The following PEX7 variants were observed in gnomAD, a reference collection of about 807,000 sequenced individuals.
The protein encoded by PEX7 is peroxisomal biogenesis factor 7, also known as PTS2 receptor.
Under a neutral mutation model 47.5 loss-of-function variants are expected in PEX7, and 34 were observed. The ratio of observed to expected loss-of-function variants is 0.72; its 90% confidence interval spans 0.54 to 0.95. The LOEUF is 0.95. Ranked by LOEUF, PEX7 falls within the 40% of genes least tolerant of loss-of-function variation. PEX7 has a pLI of 0.00. For missense variants in PEX7, 394 were observed against 400.3 expected, an observed-to-expected ratio of 0.98 and a Z score of 0.13; for synonymous variants, 141 against 148.8, an observed-to-expected ratio of 0.95 and a Z score of 0.38.
intron 5 of PEX7, among the ~76,000 whole-genome samples, chr6:136,856,912 A>G (rs1233360948): frequency 1.3e-5 from 2 of 152,236 alleles, no homozygotes; most frequent in Non-Finnish European, 2.9e-5. Context: ...AAATGGATAC[A>G]GTAAAGCTGT....
chr6:136,824,555 T>TA (rs200241027), intron 1 of PEX7, among the ~76,000 whole-genome samples: 14 of 149,160 alleles, frequency 9.4e-5, no homozygotes, highest in Middle Eastern at 3.5e-3. Context: ...AATTGGTATT[T>TA]AAAAAAAAAA....
chr6:136,856,404 T>G (rs1222783741), intron 5 of PEX7, among the ~76,000 whole-genome samples: 1 of 151,924 alleles, frequency 6.6e-6, no homozygotes, highest in Non-Finnish European at 1.5e-5. Context: ...TTTATAGGCA[T>G]GGTTGAATGT....
chr6:136,836,054 T>C (rs1774379639), intron 3 of PEX7, among the ~76,000 whole-genome samples: 1 of 152,220 alleles, frequency 6.6e-6, no homozygotes. Context: ...GAGTGAATTG[T>C]AGATAGAAAT....
chr6:136,880,277 C>T (rs912913812), intron 8 of PEX7, among the ~76,000 whole-genome samples: 1 of 152,078 alleles, frequency 6.6e-6, no homozygotes, highest in Non-Finnish European at 1.5e-5. Flanking sequence ...GGCACCTTTC[C>T]TTCCTTTTAA....
intron 8 of PEX7, among the ~76,000 whole-genome samples, chr6:136,889,331 T>C: frequency 6.6e-6 from 1 of 152,174 alleles, no homozygotes; most frequent in Non-Finnish European, 1.5e-5. Context: ...TTGTAAGACT[T>C]TTGATTTTAA....
At chr6:136,853,860 A>C (rs532009412) in intron 5 of PEX7, among the ~76,000 whole-genome samples, 15 of 152,340 alleles carry the variant, frequency 9.8e-5, no homozygotes, top group Admixed American at 1.3e-4. Flanking sequence ...CTTTTCTAGA[A>C]TGTTGAGCAG....
chr6:136,837,324 T>C (rs1051667749), intron 3 of PEX7, among the ~76,000 whole-genome samples: 3 of 125,772 alleles, frequency 2.4e-5, no homozygotes, highest in African/African-American at 9.3e-5. Flanking sequence ...ATCGCGCCAC[T>C]GCACTCCAGC....
At chr6:136,844,974 T>G (rs1774569397) in intron 3 of PEX7, among the ~76,000 whole-genome samples, 2 of 152,380 alleles carry the variant, frequency 1.3e-5, no homozygotes, top group Middle Eastern at 3.4e-3. Flanking sequence ...AAAGTATAAT[T>G]ATGCACATAT....
chr6:136,826,200 A>G (rs1774187678), intron 2 of PEX7, 119 bp from the exon 3 acceptor site: 1 of 1,065,530 alleles, frequency 9.4e-7, no homozygotes, highest in Non-Finnish European at 1.4e-6. Flanking sequence ...TACATGAGAT[A>G]TACGTGTTAA....
intron 7 of PEX7, among the ~76,000 whole-genome samples, chr6:136,871,130 T>G (rs1434423915): frequency 6.6e-6 from 1 of 152,244 alleles, no homozygotes; most frequent in Non-Finnish European, 1.5e-5. Flanking sequence ...TTGAAAAATA[T>G]GCTCTATGTA....
chr6:136,897,877 T>C (rs1775678595), intron 8 of PEX7, among the ~76,000 whole-genome samples: 1 of 151,988 alleles, frequency 6.6e-6, no homozygotes, highest in Non-Finnish European at 1.5e-5. Flanking sequence ...TAAGCTTCTG[T>C]CCTAAAAGGT....
At chr6:136,866,255 G>T (rs1249012980) in intron 5 of PEX7, among the ~76,000 whole-genome samples, 1 of 151,862 alleles carries the variant, frequency 6.6e-6, no homozygotes, top group Non-Finnish European at 1.5e-5. Context: ...CAGTAAAATT[G>T]TTACTCTATT....
chr6:136,895,731 C>T (rs1775637057), intron 8 of PEX7, among the ~76,000 whole-genome samples: 1 of 152,172 alleles, frequency 6.6e-6, no homozygotes, highest in African/African-American at 2.4e-5. Context: ...AATGTATACA[C>T]TTGGTATGTT....
At chr6:136,892,426 T>TTA (rs1288487844) in intron 8 of PEX7, among the ~76,000 whole-genome samples, 1 of 152,246 alleles carries the variant, frequency 6.6e-6, no homozygotes, top group East Asian at 1.9e-4. Context: ...GCCATCTTTT[T>TTA]TAGTAGAAAA....
At position 136,883,597 on chromosome 6, in the gene PEX7, C is replaced by T. The variant is rs183042648; in HGVS notation, c.803+11344C>T. On this transcript the variant is annotated intron_variant, in intron 8 of 9. Coordinates refer to ENST00000318471, the MANE Select transcript of PEX7 (RefSeq NM_000288.4). ...TCCTTCTCTTCCCCTTAAACTTGGT[C>T]GTCTCCCTTTGGTTTAGAACTTTTT... Among the ~76,000 whole-genome samples the T allele has an allele frequency of 3.3e-3, 506 of 152,250 alleles. 3 individuals carry two copies. Among genetic ancestry groups the T allele is most frequent in the Middle Eastern group, 0.01 (3 of 294 alleles).
chr6:136,869,829 A>G (rs1279408076), intron 6 of PEX7, 61 bp from the exon 7 acceptor site: 1 of 1,198,816 alleles, frequency 8.3e-7, no homozygotes, highest in African/African-American at 1.5e-5. Context: ...CTAGTAGGAA[A>G]GCCTGCATAC....
rs747412865 is a variant in PEX7, at chr6:136,846,139, A to G, written c.484A>G (p.Ile162Val). The G allele has an allele frequency of 1.9e-6, 3 of 1,613,450 alleles. No individual in the cohort carries two copies. In the East Asian group the frequency reaches 6.7e-5, roughly 36 times the overall value. ...CCATGAAAGTATTATTTATAGCACAATCTGGTCTCCCCACATCCCTGGTTG... is the reference window on the plus strand; with the variant it reads ...CCATGAAAGTATTATTTATAGCACAGTCTGGTCTCCCCACATCCCTGGTTG... The part of the protein sequence containing the change: ...RGHESIIYST[I>V]WSPHIPGCFA... Residue 162 changes from isoleucine (I) to valine (V), a missense_variant, in exon 5 of 10, where the codon ATC becomes GTC. Transcript: ENST00000318471.
intron 9 of PEX7, among the ~76,000 whole-genome samples, chr6:136,912,623 C>T (rs1020239047): frequency 3.3e-5 from 5 of 152,246 alleles, no homozygotes; most frequent in African/African-American, 9.6e-5. Flanking sequence ...ACAGTAGTTT[C>T]GTGCTGAGTC....
At position 136,883,639 on chromosome 6, in the gene PEX7, A is replaced by G. The variant is rs922742560; in HGVS notation, c.803+11386A>G. On this transcript the variant is annotated intron_variant, in intron 8 of 9. Coordinates refer to ENST00000318471, the MANE Select transcript of PEX7 (RefSeq NM_000288.4). ...GAACTTTTTTTACATGCCCGTTCTA[A>G]ATGATAATTTCCAGCCCCTGTGTCA... Among the ~76,000 whole-genome samples the G allele has an allele frequency of 7.9e-5, 12 of 152,080 alleles. 1 individual carries two copies. Among genetic ancestry groups the G allele is most frequent in the Admixed American group, 3.9e-4 (6 of 15,258 alleles).
Sources: gnomAD v4.1 joint callset for allele counts (sites outside exome capture counted in the v4.1 genomes callset) on GRCh38, gnomAD v4.1.1 for gene constraint, MANE v1.5 for transcripts, NCBI Gene and HGNC (gene_info 2026-07-23, HGNC 2026-07-21) for gene names.